The following PRR33 variants were observed in gnomAD, a reference collection of about 807,000 sequenced individuals.
PRR33 encodes proline-rich protein 33.
In PRR33, 1 loss-of-function variant was observed where a neutral mutation model predicts 0.5. That is an observed-to-expected ratio of 2.18 (90% CI 0.77 to 10.34). PRR33 has a LOEUF of 10.34. Ranked by LOEUF, PRR33 falls within the 30% of genes most tolerant of loss-of-function variation. The pLI is 0.13. For missense variants in PRR33, 552 were observed against 251.8 expected, an observed-to-expected ratio of 2.19 and a Z score of -8.07; for synonymous variants, 226 against 110.0, an observed-to-expected ratio of 2.06 and a Z score of -6.60.
exon 1 of PRR33, among the ~76,000 whole-genome samples, chr11:1,888,110 T>C (rs866590594): frequency 1.3e-5 from 2 of 152,256 alleles, no homozygotes; most frequent in South Asian, 2.1e-4. Context: ...ATTAGTGACC[T>C]GGGCCCCAGG....
chr11:1,914,136 T>A, the PRR33 span, among the ~76,000 whole-genome samples: 1 of 152,266 alleles, frequency 6.6e-6, no homozygotes, highest in Non-Finnish European at 1.5e-5. Context: ...GCAGCGTAGC[T>A]GAGACTCCCA....
At chr11:1,913,403 C>A in the PRR33 span, among the ~76,000 whole-genome samples, 2 of 152,052 alleles carry the variant, frequency 1.3e-5, no homozygotes, top group Non-Finnish European at 2.9e-5. Flanking sequence ...GCCTCAGCCT[C>A]CCAAAGTCCT....
chr11:1,903,591 T>G, the PRR33 span, among the ~76,000 whole-genome samples: 1 of 152,210 alleles, frequency 6.6e-6, no homozygotes, highest in Non-Finnish European at 1.5e-5. Context: ...TGCAGTGGTG[T>G]TCACTTGGAA....
exon 1 of PRR33, chr11:1,889,000 T>C (rs1848869860): frequency 3.6e-6 from 2 of 551,986 alleles, no homozygotes; most frequent in Non-Finnish European, 3.2e-6. Context: ...CAGCACCCCA[T>C]GTGCCCTTCC....
the PRR33 span, among the ~76,000 whole-genome samples, chr11:1,916,732 C>T: frequency 6.6e-6 from 1 of 152,166 alleles, no homozygotes; most frequent in East Asian, 1.9e-4. Flanking sequence ...GCCTCGAGAA[C>T]AAGGACCCAG....
chr11:1,895,147 T>G (rs1849109903), upstream of PRR33, among the ~76,000 whole-genome samples: 1 of 152,160 alleles, frequency 6.6e-6, no homozygotes, highest in African/African-American at 2.4e-5. Context: ...TCTTTTTTTT[T>G]TTGAGATGGA....
the PRR33 span, among the ~76,000 whole-genome samples, chr11:1,914,995 GGAT>G: frequency 6.1e-4 from 91 of 150,130 alleles, no homozygotes; most frequent in African/African-American, 1.9e-3. Flanking sequence ...ACAAACCTGG[GGAT>G]GATATTTCTC....
the PRR33 span, among the ~76,000 whole-genome samples, chr11:1,911,673 G>A: frequency 5.9e-5 from 9 of 151,440 alleles, no homozygotes; most frequent in East Asian, 1.0e-3. Flanking sequence ...CGCCTGCCTC[G>A]GCCTCTCAAA....
At chr11:1,909,111 A>G in the PRR33 span, among the ~76,000 whole-genome samples, 89 of 152,244 alleles carry the variant, frequency 5.8e-4, no homozygotes, top group Non-Finnish European at 1.2e-3. Flanking sequence ...ATGGCTGGGC[A>G]TGGTAGCTCA....
At chr11:1,890,367 C>T (rs1455303877) in exon 1 of PRR33, 4 of 716,504 alleles carry the variant, frequency 5.6e-6, no homozygotes, top group African/African-American at 1.7e-5. Flanking sequence ...CTGGTCATGG[C>T]TGGCCTCACT....
At chr11:1,889,691 C>T (rs548345797) in exon 1 of PRR33, 172 of 638,042 alleles carry the variant, frequency 2.7e-4, no homozygotes, top group African/African-American at 1.9e-3. Context: ...GGCCAGCCAT[C>T]GGGGGCTCCT....
At chr11:1,913,312 T>G in the PRR33 span, among the ~76,000 whole-genome samples, 47 of 34,922 alleles carry the variant, frequency 1.3e-3, no homozygotes, top group Non-Finnish European at 2.1e-3. Context: ...TTTTTTTTTT[T>G]TTGTTTTTTT....
At chr11:1,896,808 C>A (rs529356894), upstream of PRR33, among the ~76,000 whole-genome samples, 1 of 152,190 alleles carries the variant, frequency 6.6e-6, no homozygotes, top group South Asian at 2.1e-4. Flanking sequence ...TCCCTCTATT[C>A]CTAATTTACT....
At chr11:1,888,865 C>G (rs1848863818) in exon 1 of PRR33, 1 of 383,354 alleles carries the variant, frequency 2.6e-6, no homozygotes, top group Non-Finnish European at 4.7e-6. Flanking sequence ...CATCCCAAGG[C>G]CCCCATCCTA....
the PRR33 span, among the ~76,000 whole-genome samples, chr11:1,902,060 G>C: frequency 6.6e-6 from 1 of 152,004 alleles, no homozygotes; most frequent in Non-Finnish European, 1.5e-5. Flanking sequence ...GTGAGATCCC[G>C]TCTCTACTAA....
chr11:1,890,287 G>A (rs1019595509), exon 1 of PRR33: 38 of 712,074 alleles, frequency 5.3e-5, no homozygotes, highest in African/African-American at 1.6e-4. Context: ...TCGGCGGGGC[G>A]TGGGGCTTCA....
At chr11:1,896,263 T>C (rs973374595), upstream of PRR33, among the ~76,000 whole-genome samples, 3 of 152,228 alleles carry the variant, frequency 2.0e-5, no homozygotes, top group Non-Finnish European at 4.4e-5. Context: ...CTTAACAGTA[T>C]TGAACTTACT....
the PRR33 span, among the ~76,000 whole-genome samples, chr11:1,900,334 T>G: frequency 1.3e-5 from 2 of 152,236 alleles, no homozygotes; most frequent in Non-Finnish European, 2.9e-5. Flanking sequence ...ACTGGCTGAT[T>G]TAGCATGAAA....
chr11:1,917,507 G>A, the PRR33 span, among the ~76,000 whole-genome samples: 1 of 152,190 alleles, frequency 6.6e-6, no homozygotes, highest in African/African-American at 2.4e-5. Context: ...GTGGAAATGC[G>A]TCCCCAACCC....
Sources: gnomAD v4.1 joint callset for allele counts (sites outside exome capture counted in the v4.1 genomes callset) on GRCh38, gnomAD v4.1.1 for gene constraint, MANE v1.5 for transcripts, NCBI Gene and HGNC (gene_info 2026-07-23, HGNC 2026-07-21) for gene names.